Variants in MAPK6 observed in about 807,000 individuals in gnomAD.
MAPK6 encodes mitogen-activated protein kinase 6.
MAPK6 carries 19 observed loss-of-function variants against 59.3 expected under a neutral mutation model. That is an observed-to-expected ratio of 0.32 (90% CI 0.22 to 0.47). The LOEUF is 0.47. MAPK6 is among the 20% of genes least tolerant of loss of function. The probability of loss-of-function intolerance (pLI) is 1.00; values close to 1 mark genes in which losing one functional copy is unlikely to be tolerated. For missense variants in MAPK6, 724 were observed against 847.9 expected (o/e 0.85, Z 1.81); for synonymous variants, 316 against 290.3 (o/e 1.09, Z -0.90).
intron 1 of MAPK6, among the ~76,000 whole-genome samples, chr15:52,037,733 G>C (rs1345840716): frequency 6.6e-6 from 1 of 152,182 alleles, no homozygotes; most frequent in African/African-American, 2.4e-5. Flanking sequence ...CTTCACTGAT[G>C]TTTTCTAGTG....
chr15:52,003,549 T>C (rs1010314949), intron 2 of MAPK6, among the ~76,000 whole-genome samples: 1 of 152,208 alleles, frequency 6.6e-6, no homozygotes, highest in Non-Finnish European at 1.5e-5. Flanking sequence ...AGCAAGTCTT[T>C]CCTTGGAGGG....
chr15:52,025,255 TA>T, intron 1 of MAPK6, among the ~76,000 whole-genome samples: 2 of 152,162 alleles, frequency 1.3e-5, no homozygotes, highest in East Asian at 3.9e-4. Flanking sequence ...AATACGTAAA[TA>T]AATAAAAATT....
intron 1 of MAPK6, among the ~76,000 whole-genome samples, chr15:52,020,473 G>T (rs867718829): frequency 6.6e-6 from 1 of 151,172 alleles, no homozygotes; most frequent in African/African-American, 2.4e-5. Flanking sequence ...TTTTTTTAAC[G>T]GATACAGATG....
rs2032382961 is a variant in MAPK6, at chr15:52,065,544, A to G, written c.*544A>G. 6.5e-6 allele frequency: 1 copy of G among 152,690 alleles called. No homozygotes were observed. The highest frequency in any genetic ancestry group is 2.4e-5 in the African/African-American group (1 of 41,464). 9.5% of individuals were successfully genotyped at this position (152,690 alleles called of 1,614,324 possible). A position where few individuals can be genotyped will look rare whatever the true frequency, so the allele number is the denominator to read the frequency against. The stretch of plus-strand genomic sequence containing the variant: ...CATATACCACCCATAGTGCTTCACA[A>G]AATGCACTTCTATTTAGCCAGCGTT... On this transcript the variant is annotated 3_prime_UTR_variant, in exon 6 of 6. Transcript: ENST00000261845.
chr15:52,006,420 G>A (rs1230398603), intron 3 of MAPK6, among the ~76,000 whole-genome samples: 1 of 152,120 alleles, frequency 6.6e-6, no homozygotes, highest in African/African-American at 2.4e-5. Flanking sequence ...AATTAAATAA[G>A]GGGAAATTTG....
At chr15:52,024,098 C>T (rs536025331) in intron 1 of MAPK6, among the ~76,000 whole-genome samples, 1 of 152,240 alleles carries the variant, frequency 6.6e-6, no homozygotes, top group South Asian at 2.1e-4. Flanking sequence ...TAGCATTTAC[C>T]TCAGAAAAGT....
chr15:52,034,582 A>T (rs1196754322), intron 1 of MAPK6, among the ~76,000 whole-genome samples: 1 of 152,144 alleles, frequency 6.6e-6, no homozygotes, highest in Non-Finnish European at 1.5e-5. Flanking sequence ...CTAGGATTAC[A>T]GGCATGAGCC....
intron 3 of MAPK6, among the ~76,000 whole-genome samples, chr15:52,055,162 CTT>C (rs1334071080): frequency 6.6e-6 from 1 of 152,216 alleles, no homozygotes; most frequent in Non-Finnish European, 1.5e-5. Flanking sequence ...AATCCCAGCA[CTT>C]TTGGAGGCTG....
intron 3 of MAPK6, among the ~76,000 whole-genome samples, chr15:52,009,805 C>T (rs1247129998): frequency 6.6e-6 from 1 of 151,862 alleles, no homozygotes; most frequent in East Asian, 1.9e-4. Context: ...CAGAGTCTTG[C>T]TCTGTCGCCC....
chr15:51,999,048 G>T lies in MAPK6; in HGVS notation c.-769-5217G>T, dbSNP rs369696810. Among the ~76,000 whole-genome samples, 39 of 147,464 alleles carry T rather than the reference G, an allele frequency of 2.6e-4. 5 individuals carry two copies. Among genetic ancestry groups the T allele is most frequent in the Admixed American group, 1.4e-3 (21 of 14,540 alleles). ...CTGTCGCCCAGGCTGGAGTGCAGTG[G>T]CACCAGGCACCACCTCGGCTCACTG... On this transcript the variant is annotated intron_variant, in intron 2 of 7. Transcript: ENST00000691380.
intron 1 of MAPK6, among the ~76,000 whole-genome samples, chr15:52,032,737 T>C (rs191927876): frequency 6.6e-6 from 1 of 152,228 alleles, no homozygotes; most frequent in Admixed American, 6.5e-5. Context: ...CAGGCTGGAG[T>C]GCAGTGGCAC....
At position 52,046,467 on chromosome 15, in the gene MAPK6, G is replaced by C. The variant is rs1290997772; in HGVS notation, c.7G>C (p.Glu3Gln). The change falls in exon 2 of 6, where the codon GAG becomes CAG. Residue 3 changes from glutamate (E) to glutamine (Q), a missense_variant. Transcript: ENST00000261845. MA[E>Q]KFESLMNIHG... ...CAATAGTAAGGGTTTCAAAATGGCA[G>C]AGAAATTTGAAAGTCTCATGAACAT... The C allele has an allele frequency of 3.1e-6, 5 of 1,595,474 alleles. No homozygotes were observed. Among genetic ancestry groups the C allele is most frequent in the Admixed American group, 1.8e-5 (1 of 56,278 alleles).
At chr15:51,971,963 C>G (rs1408044866) in intron 1 of MAPK6, among the ~76,000 whole-genome samples, 1 of 151,704 alleles carries the variant, frequency 6.6e-6, no homozygotes, top group South Asian at 2.1e-4. Context: ...TGCCAGGATT[C>G]TTACCAGGGG....
intron 1 of MAPK6, among the ~76,000 whole-genome samples, chr15:51,982,836 C>T (rs1054742838): frequency 1.1e-4 from 17 of 152,090 alleles, no homozygotes; most frequent in African/African-American, 4.1e-4. Flanking sequence ...TTTTCTTGGG[C>T]TCCATAAGAT....
chr15:51,987,442 TA>T (rs2057194323), intron 2 of MAPK6, among the ~76,000 whole-genome samples: 1 of 152,018 alleles, frequency 6.6e-6, no homozygotes, highest in Non-Finnish European at 1.5e-5. Flanking sequence ...TCGTCTCTAC[TA>T]AAAATACAAA....
chr15:52,026,655 C>T (rs2030790114), intron 1 of MAPK6, among the ~76,000 whole-genome samples: 2 of 152,108 alleles, frequency 1.3e-5, no homozygotes, highest in African/African-American at 4.8e-5. Flanking sequence ...ATGTCCAAAT[C>T]TTGGCATTTA....
Position 52,048,702 on chromosome 15 carries a change from G to A in MAPK6, c.556-1291G>A, listed in dbSNP as rs2031675111. 3.3e-5 allele frequency among the ~76,000 whole-genome samples: 5 copies of A among 152,204 alleles called. No individual in the cohort carries two copies. In the South Asian group the frequency reaches 1.0e-3, roughly 32 times the overall value. ...TCAGCACTTTAGGAGGCCGGGGCAG[G>A]AGGATCACTTGAGGCCAGGAGTTTG... is the stretch of plus-strand genomic sequence containing the variant. On this transcript the variant is annotated intron_variant, in intron 2 of 5. Coordinates refer to ENST00000261845, the MANE Select transcript of MAPK6 (RefSeq NM_002748.4).
intron 1 of MAPK6, among the ~76,000 whole-genome samples, chr15:52,020,980 C>A (rs1315249895): frequency 6.6e-6 from 1 of 152,070 alleles, no homozygotes; most frequent in Non-Finnish European, 1.5e-5. Context: ...GAAGAAAACA[C>A]TGGAAAATGG....
chr15:52,029,701 C>G (rs993252803), intron 1 of MAPK6, among the ~76,000 whole-genome samples: 1 of 152,086 alleles, frequency 6.6e-6, no homozygotes. Context: ...TTCCCTTATC[C>G]CCATAGCTAA....
Sources: allele counts gnomAD v4.1 joint callset (sites outside exome capture counted in the v4.1 genomes callset), GRCh38; gene constraint gnomAD v4.1.1; transcripts MANE v1.5; gene names NCBI Gene and HGNC (gene_info 2026-07-23, HGNC 2026-07-21).